Variants in ZFAT observed in about 807,000 individuals in gnomAD.
ZFAT encodes zinc finger protein ZFAT.
A neutral mutation model predicts 117.7 loss-of-function variants in ZFAT; 64 were observed. That is an observed-to-expected ratio of 0.54 (90% CI 0.44 to 0.67). The LOEUF is 0.67. ZFAT is among the 30% of genes least tolerant of loss of function. The probability of loss-of-function intolerance (pLI) is 0.00; values close to 1 mark genes in which losing one functional copy is unlikely to be tolerated. For synonymous variants in ZFAT, 679 were observed against 615.0 expected (o/e 1.10, Z -1.54); for missense variants, 1,433 against 1,584.5 (o/e 0.90, Z 1.62).
chr8:134,618,491 G>A (rs1297685326), intron 3 of ZFAT, among the ~76,000 whole-genome samples: 1 of 152,148 alleles, frequency 6.6e-6, no homozygotes, highest in Non-Finnish European at 1.5e-5. Context: ...CCAGGTCAAC[G>A]TTGGGTCTGA....
At chr8:134,500,172 G>T (rs1818864708) in intron 15 of ZFAT, among the ~76,000 whole-genome samples, 1 of 152,198 alleles carries the variant, frequency 6.6e-6, no homozygotes, top group Admixed American at 6.5e-5. Flanking sequence ...AACTTCCCAG[G>T]GTGAAGCTGC....
chr8:134,488,661 G>A (rs761373827), intron 15 of ZFAT, among the ~76,000 whole-genome samples: 5 of 152,108 alleles, frequency 3.3e-5, no homozygotes, highest in Non-Finnish European at 7.4e-5. Flanking sequence ...ACAGAACCAT[G>A]AGGCCAGATG....
the ZFAT span, among the ~76,000 whole-genome samples, chr8:134,752,935 TG>T: frequency 1.3e-5 from 2 of 151,296 alleles, no homozygotes; most frequent in Non-Finnish European, 1.5e-5. Context: ...AATTTGGGGG[TG>T]GGGGAAGATA....
intron 11 of ZFAT, among the ~76,000 whole-genome samples, chr8:134,562,951 T>C (rs1158948309): frequency 6.6e-6 from 1 of 152,176 alleles, no homozygotes; most frequent in Non-Finnish European, 1.5e-5. Flanking sequence ...CAAGGAATGA[T>C]TGAAAAGTCT....
intron 7 of ZFAT, chr8:134,598,879 T>C (rs1010274353): frequency 6.6e-6 from 1 of 152,196 alleles, no homozygotes; most frequent in Non-Finnish European, 1.5e-5. Context: ...CTGAGGCAAA[T>C]AGGTCACATG....
intron 11 of ZFAT, among the ~76,000 whole-genome samples, chr8:134,561,485 C>CA (rs1824046477): frequency 6.6e-6 from 1 of 152,002 alleles, no homozygotes; most frequent in Non-Finnish European, 1.5e-5. Flanking sequence ...TAAATAATAT[C>CA]AAAAAAATTC....
intron 3 of ZFAT, among the ~76,000 whole-genome samples, chr8:134,613,529 C>T (rs1828497574): frequency 6.6e-6 from 1 of 152,172 alleles, no homozygotes; most frequent in Non-Finnish European, 1.5e-5. Flanking sequence ...CTCCCCTCAC[C>T]ATTCCTACAG....
chr8:134,543,833 A>G (rs1481796194), intron 11 of ZFAT, among the ~76,000 whole-genome samples: 1 of 152,184 alleles, frequency 6.6e-6, no homozygotes, highest in African/African-American at 2.4e-5. Context: ...TCCCCAAAGC[A>G]TAAATCGTGG....
Position 134,610,586 on chromosome 8 carries a change from G to A in ZFAT, c.518C>T (p.Pro173Leu). The change falls in exon 4 of 16, where the codon CCA (proline) becomes CTA (leucine). Residue 173 changes from proline to leucine, a missense_variant. Coordinates refer to ENST00000377838, the MANE Select transcript of ZFAT (RefSeq NM_020863.4). ...EDDREKASKR[P>L]RSQKTEKVQK... ...GACTTTCTCTGTTTTCTGTGACCGT[G>A]GTCTTTTCGAGGCTTTTTCCCGATC... 6.2e-7 allele frequency: 1 copy of A among 1,614,126 alleles called. No individual in the cohort carries two copies. The highest frequency in any genetic ancestry group is 2.2e-5 in the East Asian group (1 of 44,880).
intron 3 of ZFAT, among the ~76,000 whole-genome samples, chr8:134,625,245 A>G (rs1829420682): frequency 6.6e-6 from 1 of 152,234 alleles, no homozygotes; most frequent in South Asian, 2.1e-4. Context: ...AGGAAAATAA[A>G]CCTGTGAAGG....
At chr8:134,600,319 G>T in intron 7 of ZFAT, 117 bp downstream of exon 7, 1 of 939,912 alleles carries the variant, frequency 1.1e-6, no homozygotes, top group Non-Finnish European at 1.8e-6. Context: ...TAAGGAGAAG[G>T]ATCTCTCTAT....
intron 11 of ZFAT, among the ~76,000 whole-genome samples, chr8:134,536,378 G>A (rs1034647929): frequency 6.6e-6 from 1 of 152,138 alleles, no homozygotes; most frequent in Non-Finnish European, 1.5e-5. Context: ...ACCAGTGCAG[G>A]GGGAGTTAGG....
intron 12 of ZFAT, among the ~76,000 whole-genome samples, chr8:134,522,219 G>A (rs867425571): frequency 2.6e-5 from 4 of 152,346 alleles, no homozygotes; most frequent in East Asian, 3.9e-4. Flanking sequence ...CCACCTCCAC[G>A]GTAGAGCAGG....
the ZFAT span, among the ~76,000 whole-genome samples, chr8:134,781,260 G>A: frequency 3.3e-5 from 5 of 151,948 alleles, no homozygotes; most frequent in Admixed American, 2.6e-4. Flanking sequence ...AGAGTAACTC[G>A]GACTACTGAG....
At chr8:134,608,240 T>C (rs946487424) in intron 5 of ZFAT, among the ~76,000 whole-genome samples, 1 of 152,200 alleles carries the variant, frequency 6.6e-6, no homozygotes, top group Non-Finnish European at 1.5e-5. Context: ...AAAAAACTTG[T>C]AGAAGCACAT....
intron 6 of ZFAT, 35 bp downstream of exon 6, chr8:134,601,442 G>A (rs781312331): frequency 6.4e-7 from 1 of 1,568,462 alleles, no homozygotes; most frequent in Non-Finnish European, 8.7e-7. Context: ...TGATGGTTGT[G>A]GACAGGGCCA....
chr8:134,803,090 C>T, the ZFAT span, among the ~76,000 whole-genome samples: 1 of 152,118 alleles, frequency 6.6e-6, no homozygotes, highest in African/African-American at 2.4e-5. Flanking sequence ...ACAGATTGCC[C>T]CATTAATCTG....
At chr8:134,512,644 A>G in intron 13 of ZFAT, 43 bp from the exon 14 acceptor site, 1 of 1,588,358 alleles carries the variant, frequency 6.3e-7, no homozygotes, top group Non-Finnish European at 8.6e-7. Flanking sequence ...TAAAAGATTG[A>G]CTGTTGCCCA....
intron 11 of ZFAT, among the ~76,000 whole-genome samples, chr8:134,552,830 A>G (rs1228628966): frequency 2.6e-5 from 4 of 152,244 alleles, no homozygotes; most frequent in Non-Finnish European, 2.9e-5. Context: ...AAATGCACAG[A>G]TTTCAAAAAC....
Sources: allele counts gnomAD v4.1 joint callset (sites outside exome capture counted in the v4.1 genomes callset), GRCh38; gene constraint gnomAD v4.1.1; transcripts MANE v1.5; gene names NCBI Gene and HGNC (gene_info 2026-07-23, HGNC 2026-07-21).